Variants in AFF3 observed in about 807,000 individuals in gnomAD.
AFF3 encodes ALF transcription elongation factor 3, also known as AF4/FMR2 family member 3.
A neutral mutation model predicts 129.7 loss-of-function variants in AFF3; 32 were observed. That is an observed-to-expected ratio of 0.25 (90% confidence interval 0.19 to 0.33). AFF3 has a LOEUF of 0.33. AFF3 is among the 10% of genes least tolerant of loss of function. The pLI is 1.00. For synonymous variants in AFF3, 644 were observed against 635.4 expected, an observed-to-expected ratio of 1.01 and a Z score of -0.20; for missense variants, 1,373 against 1,592.0, an observed-to-expected ratio of 0.86 and a Z score of 2.34.
chr2:100,067,201 G>C (rs79244119), intron 4 of AFF3, among the ~76,000 whole-genome samples: 1 of 151,412 alleles, frequency 6.6e-6, no homozygotes, highest in Admixed American at 6.6e-5. Flanking sequence ...AAAAAAAGGT[G>C]GGGGGAGGGT....
chr2:99,598,532 A>T (rs1032718969), intron 14 of AFF3, among the ~76,000 whole-genome samples: 4 of 152,192 alleles, frequency 2.6e-5, no homozygotes, highest in Admixed American at 2.6e-4. Context: ...AGCCAGAAAG[A>T]ACATCTCCTA....
intron 11 of AFF3, among the ~76,000 whole-genome samples, chr2:99,688,753 C>T (rs1411889904): frequency 1.3e-5 from 2 of 152,174 alleles, no homozygotes; most frequent in African/African-American, 4.8e-5. Context: ...CTGCTTCCTC[C>T]AAGTGCCACC....
chr2:100,023,943 A>G (rs1231791746), intron 4 of AFF3, among the ~76,000 whole-genome samples: 1 of 152,146 alleles, frequency 6.6e-6, no homozygotes, highest in Non-Finnish European at 1.5e-5. Context: ...TTAGAATTTC[A>G]CTACAGAGGC....
At chr2:99,759,353 T>C (rs1244659153) in intron 8 of AFF3, among the ~76,000 whole-genome samples, 5 of 152,340 alleles carry the variant, frequency 3.3e-5, no homozygotes, top group South Asian at 2.1e-4. Flanking sequence ...AATCCCCAAA[T>C]AGGAATTCTA....
At chr2:100,018,557 A>G (rs1405405761) in intron 4 of AFF3, among the ~76,000 whole-genome samples, 1 of 152,212 alleles carries the variant, frequency 6.6e-6, no homozygotes, top group Non-Finnish European at 1.5e-5. Context: ...ATAAACTGCC[A>G]GGCTGTATGA....
chr2:99,665,447 T>C (rs1686593430), intron 12 of AFF3, among the ~76,000 whole-genome samples: 1 of 152,200 alleles, frequency 6.6e-6, no homozygotes, highest in Non-Finnish European at 1.5e-5. Flanking sequence ...GTCTGAAGTT[T>C]CTAGGCTGGA....
chr2:99,945,212 G>A (rs112169244), intron 7 of AFF3, among the ~76,000 whole-genome samples: 5 of 152,344 alleles, frequency 3.3e-5, no homozygotes, highest in African/African-American at 1.2e-4. Context: ...GACCACGTTA[G>A]CAAACAGATG....
chr2:99,724,271 C>CTTTTGTTTTTTTTTTT, intron 11 of AFF3, among the ~76,000 whole-genome samples: 1 of 66,862 alleles, frequency 1.5e-5, no homozygotes, highest in Non-Finnish European at 2.5e-5. Flanking sequence ...AATGACCTTT[C>CTTTTGTTTTTTTTTTT]TTTTTTTTTT....
At chr2:100,064,558 AAGAG>A (rs1417815685) in intron 4 of AFF3, among the ~76,000 whole-genome samples, 3 of 152,364 alleles carry the variant, frequency 2.0e-5, no homozygotes, top group Middle Eastern at 3.4e-3. Flanking sequence ...TGTAGGAAGA[AAGAG>A]AGACATGTGA....
chr2:100,135,013 T>C (rs555578397), intron 1 of AFF3, among the ~76,000 whole-genome samples: 3 of 152,266 alleles, frequency 2.0e-5, no homozygotes, highest in Non-Finnish European at 4.4e-5. Context: ...GACCTATGCA[T>C]CTGGGGAAGA....
chr2:99,648,613 T>C (rs1417247590), intron 13 of AFF3, among the ~76,000 whole-genome samples: 1 of 151,940 alleles, frequency 6.6e-6, no homozygotes, highest in Non-Finnish European at 1.5e-5. Context: ...ACACAGAAAA[T>C]GCTTTTCACT....
rs72953785 is a variant in AFF3, at chr2:99,957,178, T to C, written c.873+49454A>G. ...GTGTGTGTGTGCATGTACGTGTGTG[T>C]GTGCGTGTGTGTGTGTGCGCGCGCG... On this transcript the variant is annotated intron_variant, in intron 7 of 24. Coordinates refer to ENST00000672756, the MANE Select transcript of AFF3 (RefSeq NM_001386135.1). 1.6e-3 allele frequency among the ~76,000 whole-genome samples: 226 copies of C among 144,428 alleles called. 1 individual carries two copies. Among genetic ancestry groups the C allele is most frequent in the African/African-American group, 6.0e-3 (215 of 36,092 alleles). 94.8% of individuals were successfully genotyped at this position (144,428 alleles called of 152,430 possible).
At chr2:99,664,646 C>T (rs1297188991) in intron 12 of AFF3, among the ~76,000 whole-genome samples, 1 of 152,152 alleles carries the variant, frequency 6.6e-6, no homozygotes, top group Non-Finnish European at 1.5e-5. Flanking sequence ...TTTGAAAAAT[C>T]ATAGAGTTCA....
chr2:100,088,771 TACTC>T (rs1689642309), intron 4 of AFF3, among the ~76,000 whole-genome samples: 1 of 151,996 alleles, frequency 6.6e-6, no homozygotes, highest in Non-Finnish European at 1.5e-5. Context: ...TGCATCGTGA[TACTC>T]ACATAAACTG....
intron 4 of AFF3, among the ~76,000 whole-genome samples, chr2:100,012,721 T>C (rs1327800629): frequency 6.6e-6 from 1 of 152,156 alleles, no homozygotes; most frequent in East Asian, 1.9e-4. Context: ...AAAGAAAGCT[T>C]TCGCCTGACA....
intron 10 of AFF3, among the ~76,000 whole-genome samples, chr2:99,733,799 C>T (rs1214177328): frequency 6.6e-6 from 1 of 152,180 alleles, no homozygotes; most frequent in Admixed American, 6.5e-5. Flanking sequence ...ACTTTCATTG[C>T]TCAATTTGTC....
intron 7 of AFF3, among the ~76,000 whole-genome samples, chr2:99,858,513 T>A (rs1199783640): frequency 1.3e-5 from 2 of 151,890 alleles, no homozygotes; most frequent in African/African-American, 4.8e-5. Context: ...ATCTCCCCAC[T>A]GCACTCCAGC....
chr2:99,632,764 A>C (rs1405637656), intron 13 of AFF3, among the ~76,000 whole-genome samples: 1 of 152,212 alleles, frequency 6.6e-6, no homozygotes, highest in Non-Finnish European at 1.5e-5. Flanking sequence ...CTCCTGTGGA[A>C]ACAGGATTTT....
rs527498399 is a variant in AFF3 at position 99,593,495 on chromosome 2, A to G, written c.2166T>C (p.Pro722=). 1.2e-6 allele frequency: 2 copies of G among 1,613,582 alleles called. No homozygotes were observed. Among genetic ancestry groups the G allele is most frequent in the African/African-American group, 1.3e-5 (1 of 75,014 alleles). Residue 722 remains proline (P), a synonymous_variant, in exon 15 of 25, where the codon CCT becomes CCC. Transcript: ENST00000672756. ...TGGTCCTGGCGTTGATGGAGCCTAC[A>G]GGGGCCCTAGGACCACTGCCCCCGT... ...AANGGSGPRA[P]VGSINARTTS...
Sources: gnomAD v4.1 joint callset for allele counts (sites outside exome capture counted in the v4.1 genomes callset) on GRCh38, gnomAD v4.1.1 for gene constraint, MANE v1.5 for transcripts, NCBI Gene and HGNC (gene_info 2026-07-23, HGNC 2026-07-21) for gene names.